The following CCNH variants were observed in gnomAD, a reference collection of about 807,000 sequenced individuals.
CCNH encodes cyclin H.
A neutral mutation model predicts 41.9 loss-of-function variants in CCNH; 31 were observed. The observed-to-expected ratio is 0.74, with a 90% CI of 0.56 to 1.00. The LOEUF is 1.00. CCNH is among the 50% of genes least tolerant of loss of function. The pLI, the probability that CCNH is intolerant of heterozygous loss-of-function variation, is 0.00. For synonymous variants in CCNH, 138 were observed against 136.1 expected, an observed-to-expected ratio of 1.01 and a Z score of -0.10; for missense variants, 362 against 388.4, an observed-to-expected ratio of 0.93 and a Z score of 0.57.
chr5:87,327,822 G>A (rs574721218), intron 9 of CCNH, among the ~76,000 whole-genome samples: 40 of 152,076 alleles, frequency 2.6e-4, no homozygotes, highest in Middle Eastern at 3.4e-3. Context: ...AAAGTTAGCC[G>A]GATGTGGTGG....
downstream of CCNH, chr5:87,391,738 C>T (rs942574056): frequency 4.3e-6 from 1 of 232,562 alleles, no homozygotes. Context: ...TTGTGCTACC[C>T]CTTTGATTAT....
downstream of CCNH, among the ~76,000 whole-genome samples, chr5:87,373,341 G>A (rs950401566): frequency 6.6e-6 from 1 of 152,004 alleles, no homozygotes; most frequent in Non-Finnish European, 1.5e-5. Context: ...ATGATTTACG[G>A]CATACAGGGG....
intron 7 of CCNH, 48 bp downstream of exon 7, chr5:87,399,346 A>C: frequency 1.5e-6 from 2 of 1,310,548 alleles, no homozygotes. Context: ...AACCAGCTGG[A>C]CTGGATAACA....
At chr5:87,387,818 G>T (rs1762169676), downstream of CCNH, among the ~76,000 whole-genome samples, 1 of 152,134 alleles carries the variant, frequency 6.6e-6, no homozygotes, top group Non-Finnish European at 1.5e-5. Flanking sequence ...GGACAAAAAT[G>T]CTAAAAGTCC....
chr5:87,350,702 G>A (rs1383800675), intron 9 of CCNH, among the ~76,000 whole-genome samples: 1 of 150,940 alleles, frequency 6.6e-6, no homozygotes, highest in Non-Finnish European at 1.5e-5. Context: ...GCAATATTAT[G>A]TTTTCAAAAT....
intron 9 of CCNH, chr5:87,341,216 G>T (rs1368098604): frequency 1.1e-6 from 1 of 896,538 alleles, no homozygotes; most frequent in East Asian, 3.4e-5. Flanking sequence ...TTGCAGATAC[G>T]ATTTTCATGA....
intron 1 of CCNH, chr5:87,412,334 T>C: frequency 8.7e-6 from 8 of 918,716 alleles, no homozygotes; most frequent in Non-Finnish European, 1.1e-5. Flanking sequence ...GAACTTCCTT[T>C]CCCATTTTCT....
At chr5:87,367,026 G>C (rs1442890705) in intron 9 of CCNH, among the ~76,000 whole-genome samples, 3 of 152,176 alleles carry the variant, frequency 2.0e-5, no homozygotes, top group Non-Finnish European at 4.4e-5. Flanking sequence ...GTGAGGCCCG[G>C]TCTCAAACAA....
At chr5:87,388,978 C>T (rs967937920), downstream of CCNH, among the ~76,000 whole-genome samples, 8 of 151,456 alleles carry the variant, frequency 5.3e-5, no homozygotes, top group South Asian at 2.1e-4. Context: ...TGTCATGCTA[C>T]GGAAAAAAAT....
At chr5:87,373,995 T>A (rs1299182228), downstream of CCNH, among the ~76,000 whole-genome samples, 1 of 151,838 alleles carries the variant, frequency 6.6e-6, no homozygotes, top group African/African-American at 2.4e-5. Flanking sequence ...GTCTGAATGT[T>A]TTAAGTATGT....
intron 9 of CCNH, chr5:87,331,250 G>T (rs1228666511): frequency 8.1e-7 from 1 of 1,241,816 alleles, no homozygotes; most frequent in Non-Finnish European, 1.2e-6. Flanking sequence ...TAAGTTACAT[G>T]TAGGCATTTA....
At chr5:87,359,069 G>A (rs1403798689) in intron 9 of CCNH, among the ~76,000 whole-genome samples, 1 of 152,110 alleles carries the variant, frequency 6.6e-6, no homozygotes, top group Non-Finnish European at 1.5e-5. Context: ...TCCCTGGTTA[G>A]AATACAAGTT....
At chr5:87,372,843 C>T (rs544577649), downstream of CCNH, among the ~76,000 whole-genome samples, 3 of 152,220 alleles carry the variant, frequency 2.0e-5, no homozygotes, top group Admixed American at 2.0e-4. Flanking sequence ...ACCAAAGTGT[C>T]TCCTGTTCTC....
At chr5:87,391,011 T>C, downstream of CCNH, 2 of 949,938 alleles carry the variant, frequency 2.1e-6, no homozygotes, top group East Asian at 2.6e-5. Context: ...GTGTGAGCTA[T>C]GCAAACAAAA....
At chr5:87,385,252 G>A (rs1580407436) in intron 9 of CCNH, 1 of 1,146,490 alleles carries the variant, frequency 8.7e-7, no homozygotes, top group East Asian at 2.3e-5. Flanking sequence ...GGTTTAGCTG[G>A]AAGTGCTGTT....
intron 9 of CCNH, among the ~76,000 whole-genome samples, chr5:87,338,536 A>ATATATATATATTTTT: frequency 2.3e-4 from 20 of 85,220 alleles, no homozygotes; most frequent in East Asian, 1.5e-3. Context: ...TATATATAAA[A>ATATATATATATTTTT]TTTTTTTTTT....
intron 9 of CCNH, among the ~76,000 whole-genome samples, chr5:87,355,255 C>T (rs935797749): frequency 4.6e-5 from 7 of 152,240 alleles, no homozygotes; most frequent in Non-Finnish European, 7.4e-5. Flanking sequence ...TGCTTGGCTT[C>T]GAAGCTTCAA....
At chr5:87,362,302 CAG>C (rs1760165311) in intron 9 of CCNH, among the ~76,000 whole-genome samples, 1 of 152,124 alleles carries the variant, frequency 6.6e-6, no homozygotes, top group African/African-American at 2.4e-5. Context: ...TCCATGGAAA[CAG>C]ACAACTTATT....
At chr5:87,331,534 TG>T (rs771945497) in intron 9 of CCNH, 3 of 1,601,378 alleles carry the variant, frequency 1.9e-6, no homozygotes, top group South Asian at 2.2e-5. Context: ...AGCCAAATGA[TG>T]TAGCTATTTT....
Sources: allele counts gnomAD v4.1 joint callset (sites outside exome capture counted in the v4.1 genomes callset), GRCh38; gene constraint gnomAD v4.1.1; transcripts MANE v1.5; gene names NCBI Gene and HGNC (gene_info 2026-07-23, HGNC 2026-07-21).